The following ARHGEF3 variants were observed in gnomAD, a reference collection of about 807,000 sequenced individuals.
ARHGEF3 encodes 59.8 kDA protein.
Under a neutral mutation model 63.2 loss-of-function variants are expected in ARHGEF3, and 28 were observed. The ratio of observed to expected loss-of-function variants is 0.44; its 90% CI spans 0.33 to 0.61. The LOEUF is 0.61. Ranked by LOEUF, ARHGEF3 falls within the 20% of genes least tolerant of loss-of-function variation. ARHGEF3 has a pLI of 0.03. For synonymous variants in ARHGEF3, 266 were observed against 254.2 expected, an observed-to-expected ratio of 1.05 and a Z score of -0.44; for missense variants, 533 against 659.3, an observed-to-expected ratio of 0.81 and a Z score of 2.10.
At chr3:56,821,788 A>AGCCTGG (rs2038503329) in intron 4 of ARHGEF3, among the ~76,000 whole-genome samples, 1 of 152,142 alleles carries the variant, frequency 6.6e-6, no homozygotes, top group Non-Finnish European at 1.5e-5. Flanking sequence ...ACATTGTGAA[A>AGCCTGG]CCTTGTCTGT....
chr3:56,992,024 C>CTGTGTGTGTG lies in ARHGEF3; in HGVS notation c.63-33145_63-33136dup, dbSNP rs58860849. ...TCTCACTCTCTCTCCCCTCCTCTCT[C>CTGTGTGTGTG]TGTGTGTGTGTGTGTGTGTGTGTGT... On this transcript the variant is annotated intron_variant, in intron 2 of 12. Transcript: ENST00000338458. Among the ~76,000 whole-genome samples, 21 of 131,718 alleles carry CTGTGTGTGTG rather than the reference C, an allele frequency of 1.6e-4. 1 individual carries two copies. Among genetic ancestry groups the CTGTGTGTGTG allele is most frequent in the African/African-American group, 6.1e-4 (21 of 34,450 alleles). 86.4% of individuals were successfully genotyped at this position (131,718 alleles called of 152,430 possible). A position where few individuals can be genotyped will look rare whatever the true frequency, so the allele number is the denominator to read the frequency against.
At chr3:56,945,205 G>T (rs368546925) in intron 3 of ARHGEF3, among the ~76,000 whole-genome samples, 48 of 152,264 alleles carry the variant, frequency 3.2e-4, no homozygotes, top group African/African-American at 1.1e-3. Context: ...GCAGAAGACG[G>T]GTGATTTCTG....
At chr3:56,837,492 A>AAGGATC (rs1217724417) in intron 4 of ARHGEF3, among the ~76,000 whole-genome samples, 2 of 152,220 alleles carry the variant, frequency 1.3e-5, no homozygotes, top group Non-Finnish European at 2.9e-5. Flanking sequence ...CAGGCAGAAA[A>AAGGATC]CATGAGGATA....
chr3:56,734,339 A>G (rs749256026), intron 8 of ARHGEF3, among the ~76,000 whole-genome samples: 4 of 152,276 alleles, frequency 2.6e-5, no homozygotes, highest in Middle Eastern at 6.8e-3. Context: ...CCAGAAGAGG[A>G]GAGGTTGTCA....
chr3:56,868,361 G>GT lies in ARHGEF3; in HGVS notation c.192+13930dup, dbSNP rs35860517. Among the ~76,000 whole-genome samples, 270 of 140,534 alleles carry GT rather than the reference G, an allele frequency of 1.9e-3. 5 individuals are homozygous for GT. Among genetic ancestry groups the GT allele is most frequent in the East Asian group, 6.1e-3 (29 of 4,790 alleles). 92.2% of individuals were successfully genotyped at this position (140,534 alleles called of 152,430 possible). A position where few individuals can be genotyped will look rare whatever the true frequency, so the allele number is the denominator to read the frequency against. On this transcript the variant is annotated intron_variant, in intron 4 of 12. Transcript: ENST00000338458. ...TTTCAAGGATATTCTTTTTTTGTTTGTTTTTTTTTTTTTTCGAGACAGAGT... is the reference window on the plus strand; with the variant it reads ...TTTCAAGGATATTCTTTTTTTGTTTGTTTTTTTTTTTTTTTCGAGACAGAGT...
intron 8 of ARHGEF3, among the ~76,000 whole-genome samples, chr3:56,735,975 G>A (rs1249424244): frequency 2.6e-5 from 4 of 151,832 alleles, no homozygotes; most frequent in Non-Finnish European, 5.9e-5. Flanking sequence ...CTAAGGGTTG[G>A]CTAGATACTG....
chr3:56,873,980 C>T (rs111262059), intron 4 of ARHGEF3, among the ~76,000 whole-genome samples: 1 of 152,156 alleles, frequency 6.6e-6, no homozygotes, highest in Non-Finnish European at 1.5e-5. Context: ...GAGAGTGTGT[C>T]CTGAAACTCC....
chr3:56,746,488 T>C (rs951748978), intron 6 of ARHGEF3, among the ~76,000 whole-genome samples: 7 of 152,250 alleles, frequency 4.6e-5, no homozygotes, highest in Admixed American at 6.5e-5. Context: ...TCCCAGCACA[T>C]TGGGAAGCCG....
chr3:56,947,150 C>G (rs1699549203), intron 3 of ARHGEF3, among the ~76,000 whole-genome samples: 2 of 152,170 alleles, frequency 1.3e-5, no homozygotes, highest in South Asian at 4.1e-4. Flanking sequence ...AAAGGAACAA[C>G]CAGTACCAGC....
rs369548369 is a variant in ARHGEF3 at position 56,813,794 on chromosome 3, T to G, written c.193-39978A>C. On this transcript the variant is annotated intron_variant, in intron 4 of 12. Coordinates refer to the ARHGEF3 transcript ENST00000338458. The stretch of plus-strand genomic sequence containing the variant: ...TGCCTCATGCCACTCTGAAATTAGG[T>G]GCCATCACGTTTCCTGAGTTATGGG... 5.9e-5 allele frequency among the ~76,000 whole-genome samples: 9 copies of G among 152,276 alleles called. No homozygotes were observed. The East Asian group carries it at 1.7e-3, about 29-fold the overall frequency.
intron 3 of ARHGEF3, among the ~76,000 whole-genome samples, chr3:56,922,077 A>C (rs1442576394): frequency 7.3e-6 from 1 of 136,698 alleles, no homozygotes. Flanking sequence ...AAGTGAATGC[A>C]AAAAAAAAAA....
At chr3:56,867,758 A>AATT (rs2040302730) in intron 4 of ARHGEF3, among the ~76,000 whole-genome samples, 1 of 152,206 alleles carries the variant, frequency 6.6e-6, no homozygotes, top group African/African-American at 2.4e-5. Context: ...AGTGTAAGCT[A>AATT]CCGCGCCTGG....
intron 2 of ARHGEF3, among the ~76,000 whole-genome samples, chr3:57,013,080 C>T (rs576865683): frequency 4.6e-5 from 7 of 152,338 alleles, no homozygotes; most frequent in East Asian, 1.9e-4. Context: ...CTCGAATTCT[C>T]GCTGGGCCTC....
At chr3:56,968,487 A>C (rs1214466126) in intron 2 of ARHGEF3, among the ~76,000 whole-genome samples, 1 of 140,586 alleles carries the variant, frequency 7.1e-6, no homozygotes, top group Non-Finnish European at 1.5e-5. Context: ...ACACACCAGC[A>C]CAACTAGCTT....
At chr3:56,835,042 A>AT in intron 4 of ARHGEF3, among the ~76,000 whole-genome samples, 1 of 152,360 alleles carries the variant, frequency 6.6e-6, no homozygotes, top group Middle Eastern at 3.4e-3. Flanking sequence ...GTCAAAATAA[A>AT]TGCATTCTGG....
chr3:56,771,729 T>A lies in ARHGEF3; in HGVS notation c.204+1980A>T, dbSNP rs2036017866. Among the ~76,000 whole-genome samples the A allele has an allele frequency of 2.0e-5, 3 of 152,256 alleles. 1 individual carries two copies. The South Asian group carries it at 6.2e-4, about 32-fold the overall frequency. ...ATTCACTCAACACTGACTGAATGAA[T>A]GAGGGCCTTCCTGGGCAGAGGGTGG... On this transcript the variant is annotated intron_variant, in intron 2 of 9. Coordinates refer to ENST00000296315, the MANE Select transcript of ARHGEF3 (RefSeq NM_019555.3).
intron 7 of ARHGEF3, among the ~76,000 whole-genome samples, chr3:56,741,945 C>G (rs2034065342): frequency 6.6e-6 from 1 of 152,138 alleles, no homozygotes; most frequent in African/African-American, 2.4e-5. Flanking sequence ...TCACTGGGTT[C>G]AAACTGAAGG....
At chr3:56,916,083 T>C (rs1042541351) in intron 3 of ARHGEF3, among the ~76,000 whole-genome samples, 3 of 152,206 alleles carry the variant, frequency 2.0e-5, no homozygotes, top group Non-Finnish European at 4.4e-5. Flanking sequence ...CAAAGCCATC[T>C]GCGGTCTTAA....
chr3:57,073,833 C>T (rs201527031), intron 1 of ARHGEF3: 2 of 1,614,232 alleles, frequency 1.2e-6, no homozygotes, highest in Non-Finnish European at 1.7e-6. Flanking sequence ...TCCCAACAAA[C>T]CCCACTGTGC....
Sources: gnomAD v4.1 joint callset for allele counts (sites outside exome capture counted in the v4.1 genomes callset) on GRCh38, gnomAD v4.1.1 for gene constraint, MANE v1.5 for transcripts, NCBI Gene and HGNC (gene_info 2026-07-23, HGNC 2026-07-21) for gene names.